The following RACGAP1 variants were observed in gnomAD, a reference collection of about 807,000 sequenced individuals.
The protein encoded by RACGAP1 is Rac GTPase activating protein 1.
Under a neutral mutation model 78.1 loss-of-function variants are expected in RACGAP1, and 30 were observed. The observed-to-expected ratio is 0.38, with a 90% CI of 0.29 to 0.52. The LOEUF is 0.52. Ranked by LOEUF, RACGAP1 falls within the 20% of genes least tolerant of loss-of-function variation. The pLI is 0.82. For missense variants in RACGAP1, 587 were observed against 777.1 expected (o/e 0.76, Z 2.91); for synonymous variants, 231 against 264.8 (o/e 0.87, Z 1.24).
chr12:50,001,185 G>C lies in RACGAP1; in HGVS notation c.617C>G (p.Ser206Cys). The change falls in exon 7 of 17, where the codon TCT (serine) becomes TGT (cysteine). Residue 206 changes from serine (S) to cysteine (C), a missense_variant. Transcript: ENST00000312377. ...GACTATTCTTACCTGGTCTACTGCA[G>C]AGCCAATGGAACGAGTTTTCTTTAC... is the stretch of plus-strand genomic sequence containing the variant. ...GPVKKTRSIG[S>C]AVDQGNESIV... 6.2e-7 allele frequency: 1 copy of C among 1,605,000 alleles called. No individual in the cohort carries two copies. Among genetic ancestry groups the C allele is most frequent in the African/African-American group, 1.3e-5 (1 of 74,852 alleles).
rs1023681157 is a variant in RACGAP1, at chr12:49,989,712, C to T, written c.*556G>A. On this transcript the variant is annotated 3_prime_UTR_variant, in exon 17 of 17. Coordinates refer to ENST00000312377, the MANE Select transcript of RACGAP1 (RefSeq NM_001319999.2). ...CCCATCACTAGTTCTGTCCTCAATG[C>T]ATCCCATTTTTATGAAAGCTCCATA... 2 of 152,662 alleles carry T rather than the reference C, an allele frequency of 1.3e-5. No homozygotes were observed. The highest frequency in any genetic ancestry group is 4.8e-5 in the African/African-American group (2 of 41,436). 9.5% of individuals were successfully genotyped at this position (152,662 alleles called of 1,614,324 possible). A position where few individuals can be genotyped will look rare whatever the true frequency, so the allele number is the denominator to read the frequency against.
intron 1 of RACGAP1, chr12:50,020,930 A>G (rs1366386185): frequency 5.8e-6 from 1 of 171,770 alleles, no homozygotes; most frequent in African/African-American, 2.4e-5. Flanking sequence ...CTAGGGGACC[A>G]TATATTTTTA....
chr12:50,031,305 C>T (rs1240260267), intron 2 of RACGAP1, among the ~76,000 whole-genome samples: 7 of 150,276 alleles, frequency 4.7e-5, no homozygotes, highest in East Asian at 2.0e-4. Flanking sequence ...GGTGAAACCC[C>T]GTCTCTACTA....
Position 49,990,736 on chromosome 12 carries a change from A to G in RACGAP1, c.1771T>C (p.Ser591Pro), listed in dbSNP as rs1240819905. Reference protein sequence around the residue: ...PEHQLLKTPSSSSLSQRVRST... With the variant: ...PEHQLLKTPSPSSLSQRVRST... ...CGGACTCTCTGTGACAGGGAACTAG[A>G]TGAAGGAGTCTTGAGAAGCTGATGT... is the stretch of plus-strand genomic sequence containing the variant. The change falls in exon 16 of 17, where the codon TCT becomes CCT. Residue 591 changes from serine (S) to proline (P), a missense_variant. Physicochemically the swap from Ser to Pro is moderately conservative, Grantham distance 74. Transcript: ENST00000312377. 4 of 1,614,030 alleles carry G rather than the reference A, an allele frequency of 2.5e-6. No homozygotes were observed. Among genetic ancestry groups the G allele is most frequent in the South Asian group, 1.1e-5 (1 of 91,092 alleles).
Position 50,005,405 on chromosome 12 carries a change from G to T in RACGAP1, c.289-13C>A. ...GAATCTGTCGTTCCTACAGACCAAA[G>T]CAAAGTAAAACATCATAACTAGCCA... is the stretch of plus-strand genomic sequence containing the variant. On this transcript the variant is annotated splice_polypyrimidine_tract_variant and intron_variant, in intron 3 of 16. Transcript: ENST00000312377. The T allele has an allele frequency of 6.2e-7, 1 of 1,613,704 alleles. No homozygotes were observed. Among genetic ancestry groups the T allele is most frequent in the Non-Finnish European group, 8.5e-7 (1 of 1,179,890 alleles).
At chr12:50,005,639 G>A (rs911064793) in intron 3 of RACGAP1, among the ~76,000 whole-genome samples, 1 of 152,180 alleles carries the variant, frequency 6.6e-6, no homozygotes, top group African/African-American at 2.4e-5. Flanking sequence ...GGATTAACCT[G>A]CTAATCCAAG....
intron 4 of RACGAP1, among the ~76,000 whole-genome samples, chr12:50,004,855 C>A (rs1438962948): frequency 6.6e-6 from 1 of 152,118 alleles, no homozygotes; most frequent in African/African-American, 2.4e-5. Context: ...GCAGTGGAAC[C>A]AAAATTATTG....
intron 1 of RACGAP1, among the ~76,000 whole-genome samples, chr12:50,032,614 A>C (rs1049328335): frequency 5.9e-5 from 9 of 151,652 alleles, no homozygotes; most frequent in African/African-American, 2.2e-4. Context: ...CTTTCTTCCC[A>C]AACTGTAGCT....
rs1333681505 is a variant in RACGAP1 at position 50,005,253 on chromosome 12, C to T, written c.425+3G>A. ...AGGATAACAACAGATGCAGTTCCTCCACCTTTTGTTCCCAGCATTGCTGCT... is the reference window on the plus strand; with the variant it reads ...AGGATAACAACAGATGCAGTTCCTCTACCTTTTGTTCCCAGCATTGCTGCT... On this transcript the variant is annotated splice_donor_region_variant and intron_variant, in intron 4 of 16. Transcript: ENST00000312377. 1.9e-6 allele frequency: 3 copies of T among 1,613,902 alleles called. No homozygotes were observed. Among genetic ancestry groups the T allele is most frequent in the East Asian group, 4.5e-5 (2 of 44,900 alleles).
At chr12:50,012,114 C>A (rs1017738424) in intron 2 of RACGAP1, among the ~76,000 whole-genome samples, 6 of 150,102 alleles carry the variant, frequency 4.0e-5, no homozygotes, top group African/African-American at 1.5e-4. Flanking sequence ...GGCAACAGAG[C>A]GAGACCTTGT....
chr12:50,022,943 A>G (rs1180706963), intron 1 of RACGAP1, among the ~76,000 whole-genome samples: 1 of 152,198 alleles, frequency 6.6e-6, no homozygotes, highest in Non-Finnish European at 1.5e-5. Flanking sequence ...TGTAAACTGC[A>G]GCCTTTCTCT....
intron 2 of RACGAP1, among the ~76,000 whole-genome samples, chr12:50,007,042 T>C (rs887899592): frequency 2.0e-5 from 3 of 152,204 alleles, no homozygotes; most frequent in Admixed American, 2.0e-4. Context: ...CAGTCACGCA[T>C]TGCTGCACCA....
chr12:50,006,942 T>G (rs1165948413), intron 2 of RACGAP1, among the ~76,000 whole-genome samples: 1 of 152,188 alleles, frequency 6.6e-6, no homozygotes, highest in African/African-American at 2.4e-5. Context: ...TGAAAGCTCC[T>G]GAACAGAAGG....
chr12:50,015,329 T>C (rs975020454), intron 2 of RACGAP1, among the ~76,000 whole-genome samples: 10 of 152,106 alleles, frequency 6.6e-5, no homozygotes, highest in African/African-American at 2.4e-4. Context: ...TTATTTAGCA[T>C]CAAATATATG....
In RACGAP1 at chr12:49,992,106, G is replaced by C. The variant is rs774979476; in HGVS notation, c.1606C>G (p.Leu536Val). 1.2e-6 allele frequency: 2 copies of C among 1,614,048 alleles called. No individual in the cohort carries two copies. Among genetic ancestry groups the C allele is most frequent in the South Asian group, 2.2e-5 (2 of 91,070 alleles). The change falls in exon 15 of 17, where the codon CTG becomes GTG. Residue 536 changes from leucine to valine, a missense_variant. By Grantham distance (32) the Leu-to-Val change is conservative. Coordinates refer to ENST00000312377, the MANE Select transcript of RACGAP1 (RefSeq NM_001319999.2). The stretch of plus-strand genomic sequence containing the variant: ...ATCATGAACTGACTCCAATACTCCA[G>C]AGGCAAGGAAAGCAGGCGCTCAACC... Reference protein sequence around the residue: ...KVVERLLSLPLEYWSQFMMVE... With the variant: ...KVVERLLSLPVEYWSQFMMVE...
intron 1 of RACGAP1, among the ~76,000 whole-genome samples, chr12:50,023,950 A>T (rs1950141476): frequency 6.6e-6 from 1 of 152,004 alleles, no homozygotes; most frequent in South Asian, 2.1e-4. Flanking sequence ...TCAGGAGGTC[A>T]GTAGATCAAG....
chr12:50,032,614 A>T (rs1049328335), intron 1 of RACGAP1, among the ~76,000 whole-genome samples: 1 of 151,652 alleles, frequency 6.6e-6, no homozygotes, highest in Non-Finnish European at 1.5e-5. Flanking sequence ...CTTTCTTCCC[A>T]AACTGTAGCT....
At chr12:50,015,908 A>G (rs1949647320) in intron 2 of RACGAP1, among the ~76,000 whole-genome samples, 1 of 151,784 alleles carries the variant, frequency 6.6e-6, no homozygotes, top group Admixed American at 6.6e-5. Flanking sequence ...AAAAAAAGAA[A>G]AAAGAAGAAA....
intron 1 of RACGAP1, among the ~76,000 whole-genome samples, chr12:50,022,312 G>T (rs368845274): frequency 6.4e-4 from 98 of 152,308 alleles, no homozygotes; most frequent in African/African-American, 2.3e-3. Flanking sequence ...GCTAGGTGTG[G>T]TGGCTCACGC....
Sources: allele counts gnomAD v4.1 joint callset (sites outside exome capture counted in the v4.1 genomes callset), GRCh38; gene constraint gnomAD v4.1.1; transcripts MANE v1.5; gene names NCBI Gene and HGNC (gene_info 2026-07-23, HGNC 2026-07-21).